Variants in MYOM2 observed in about 807,000 individuals in gnomAD.
MYOM2 encodes myomesin-2.
Under a neutral mutation model 187.6 loss-of-function variants are expected in MYOM2, and 254 were observed. The ratio of observed to expected loss-of-function variants is 1.35; its 90% confidence interval spans 1.22 to 1.50. MYOM2 has a LOEUF of 1.50. Ranked by LOEUF, MYOM2 falls within the 40% of genes most tolerant of loss-of-function variation. The pLI, the probability that MYOM2 is intolerant of heterozygous loss-of-function variation, is 0.00. For synonymous variants in MYOM2, 981 were observed against 753.8 expected, an observed-to-expected ratio of 1.30 and a Z score of -4.94; for missense variants, 2,796 against 1,924.0, an observed-to-expected ratio of 1.45 and a Z score of -8.48.
At chr8:2,110,003 G>A (rs1005195942) in intron 25 of MYOM2, among the ~76,000 whole-genome samples, 1 of 152,200 alleles carries the variant, frequency 6.6e-6, no homozygotes, top group South Asian at 2.1e-4. Flanking sequence ...TGGTGTGGCA[G>A]ACTGATGTGA....
intron 22 of MYOM2, 29 bp downstream of exon 22, chr8:2,106,427 G>C (rs1183096146): frequency 6.2e-7 from 1 of 1,611,814 alleles, no homozygotes; most frequent in Admixed American, 1.7e-5. Context: ...TTGGATACTG[G>C]AAACTTTTAG....
Position 2,101,016 on chromosome 8 carries a change from A to G in MYOM2, c.2581A>G (p.Thr861Ala). The G allele has an allele frequency of 6.2e-7, 1 of 1,614,152 alleles. No homozygotes were observed. Residue 861 changes from threonine to alanine, a missense_variant, in exon 20 of 37, where the codon ACT becomes GCT. Coordinates refer to ENST00000262113, the MANE Select transcript of MYOM2 (RefSeq NM_003970.4). ...FREEDAGEWI[T>A]VNQTTTASRY... is the part of the protein sequence containing the mutation. ...GGAGGAGGATGCTGGAGAGTGGATC[A>G]CTGTCAATCAGACGACAACAGCCAG...
At chr8:2,077,309 C>G (rs79671950) in intron 11 of MYOM2, among the ~76,000 whole-genome samples, 1 of 149,626 alleles carries the variant, frequency 6.7e-6, no homozygotes, top group East Asian at 2.0e-4. Context: ...ACTCCACCAT[C>G]AAAAAAAACA....
intron 2 of MYOM2, among the ~76,000 whole-genome samples, chr8:2,051,888 C>G (rs1277735911): frequency 2.6e-5 from 4 of 152,206 alleles, no homozygotes; most frequent in African/African-American, 7.2e-5. Context: ...TGTGCATGTG[C>G]TTGTGGGAAG....
chr8:2,109,594 G>A (rs1797002817), intron 25 of MYOM2, 63 bp downstream of exon 25: 1 of 1,508,290 alleles, frequency 6.6e-7, no homozygotes, highest in Non-Finnish European at 9.0e-7. Flanking sequence ...TGGTAGGTCA[G>A]TTACTGAATA....
intron 12 of MYOM2, 25 bp from the exon 13 acceptor site, chr8:2,079,535 C>T (rs752033971): frequency 7.4e-6 from 12 of 1,612,928 alleles, no homozygotes; most frequent in East Asian, 2.2e-5. Context: ...CATGTCAAAT[C>T]GAGTGTCAAC....
chr8:2,132,895 T>C (rs1377878112), intron 32 of MYOM2, among the ~76,000 whole-genome samples: 1 of 152,186 alleles, frequency 6.6e-6, no homozygotes, highest in African/African-American at 2.4e-5. Flanking sequence ...CCCAGACACC[T>C]TCCCCGGCAC....
At chr8:2,098,797 C>T in intron 18 of MYOM2, 60 bp from the exon 19 acceptor site, 2 of 1,519,330 alleles carry the variant, frequency 1.3e-6, no homozygotes, top group Non-Finnish European at 8.9e-7. Context: ...AACTCCTCCC[C>T]CTCAGTGGGC....
chr8:2,087,817 C>T (rs563048755), intron 14 of MYOM2, among the ~76,000 whole-genome samples: 12 of 152,210 alleles, frequency 7.9e-5, no homozygotes, highest in Non-Finnish European at 7.4e-5. Flanking sequence ...GACGAGGTCT[C>T]GCCATGTTGC....
intron 6 of MYOM2, among the ~76,000 whole-genome samples, chr8:2,066,018 G>C (rs1227552766): frequency 6.6e-6 from 1 of 152,224 alleles, no homozygotes; most frequent in Non-Finnish European, 1.5e-5. Flanking sequence ...GGGGTTGGCT[G>C]GAGCCCTGTC....
intron 3 of MYOM2, among the ~76,000 whole-genome samples, chr8:2,055,900 G>T (rs1322391860): frequency 4.6e-5 from 7 of 152,172 alleles, no homozygotes; most frequent in Admixed American, 4.6e-4. Flanking sequence ...TGGCCAAGAA[G>T]CCTCTTGGTG....
chr8:2,049,087 G>A (rs558703767), intron 1 of MYOM2, among the ~76,000 whole-genome samples: 24 of 152,236 alleles, frequency 1.6e-4, no homozygotes, highest in Admixed American at 3.3e-4. Context: ...TACTGCGCCC[G>A]GCTGCTTTTA....
chr8:2,114,831 G>A (rs1012845263), intron 25 of MYOM2, among the ~76,000 whole-genome samples: 2 of 151,948 alleles, frequency 1.3e-5, no homozygotes, highest in Admixed American at 1.3e-4. Flanking sequence ...TTGCCCAAGC[G>A]ATCCTCCTGC....
At chr8:2,052,449 G>A (rs1351729281) in intron 3 of MYOM2, 136 bp downstream of exon 3, 4 of 919,250 alleles carry the variant, frequency 4.4e-6, no homozygotes, top group African/African-American at 1.7e-5. Context: ...GGGTGAGAGG[G>A]AGAATGCTGC....
chr8:2,090,226 T>C (rs775481368), intron 15 of MYOM2, 35 bp downstream of exon 15: 1 of 1,595,788 alleles, frequency 6.3e-7, no homozygotes, highest in Admixed American at 1.7e-5. Context: ...CAAGTCAGGA[T>C]GGACTAAGAG....
intron 10 of MYOM2, among the ~76,000 whole-genome samples, chr8:2,074,537 C>T (rs1464770857): frequency 2.0e-5 from 3 of 152,146 alleles, no homozygotes; most frequent in Admixed American, 2.0e-4. Flanking sequence ...TCACTGCAAC[C>T]TCCGCCTCCT....
chr8:2,058,970 G>A (rs1459783065), intron 5 of MYOM2, among the ~76,000 whole-genome samples, 183 bp from the exon 6 acceptor site: 8 of 152,210 alleles, frequency 5.3e-5, no homozygotes, highest in East Asian at 1.9e-4. Context: ...CGCTGCTCTC[G>A]CCTTAGAAAG....
chr8:2,073,665 G>A (rs543816992), intron 10 of MYOM2, among the ~76,000 whole-genome samples, 165 bp downstream of exon 10: 68 of 152,306 alleles, frequency 4.5e-4, no homozygotes, highest in Non-Finnish European at 8.1e-4. Flanking sequence ...GCATGGGCAC[G>A]CCAGGTGCTT....
chr8:2,127,702 GGC>G, intron 31 of MYOM2: 1 of 130,490 alleles, frequency 7.7e-6, no homozygotes, highest in Non-Finnish European at 1.7e-5. Context: ...GCAGTACCTC[GGC>G]GTGACGCGGT....
Sources: gnomAD v4.1 joint callset for allele counts (sites outside exome capture counted in the v4.1 genomes callset) on GRCh38, gnomAD v4.1.1 for gene constraint, MANE v1.5 for transcripts, NCBI Gene and HGNC (gene_info 2026-07-23, HGNC 2026-07-21) for gene names.